Variants in SLC6A15 observed in about 807,000 individuals in gnomAD.
SLC6A15 encodes solute carrier family 6 member 15, also known as sodium-dependent neutral amino acid transporter B(0)AT2.
In SLC6A15, 33 loss-of-function variants were observed where a neutral mutation model predicts 68.5. The ratio of observed to expected loss-of-function variants is 0.48; its 90% confidence interval spans 0.37 to 0.64. The LOEUF (loss-of-function observed/expected upper bound fraction) is 0.64, where lower values mean the gene tolerates loss of function less well. SLC6A15 is among the 30% of genes least tolerant of loss of function. The pLI, the probability that SLC6A15 is intolerant of heterozygous loss-of-function variation, is 0.00. For missense variants in SLC6A15, 747 were observed against 874.3 expected (o/e 0.85, Z 1.84); for synonymous variants, 347 against 301.0 (o/e 1.15, Z -1.58).
intron 1 of SLC6A15, among the ~76,000 whole-genome samples, chr12:84,897,523 G>A (rs889045658): frequency 6.6e-6 from 1 of 151,916 alleles, no homozygotes; most frequent in Non-Finnish European, 1.5e-5. Context: ...AGTAAACACT[G>A]ATAAATTACC....
chr12:84,886,211 T>C, intron 2 of SLC6A15, 143 bp from the exon 3 acceptor site: 1 of 453,850 alleles, frequency 2.2e-6, no homozygotes. Flanking sequence ...ATTTCATTAC[T>C]TTGCACTTTC....
intron 11 of SLC6A15, 25 bp downstream of exon 11, chr12:84,863,414 T>C (rs753546859): frequency 6.6e-7 from 1 of 1,522,434 alleles, no homozygotes; most frequent in Non-Finnish European, 8.8e-7. Flanking sequence ...CTTTTAAAAA[T>C]GTAATTCCCT....
chr12:84,870,404 T>C, intron 9 of SLC6A15, 74 bp downstream of exon 9: 6 of 1,081,922 alleles, frequency 5.5e-6, no homozygotes, highest in Non-Finnish European at 7.6e-6. Flanking sequence ...CTTTCCACTT[T>C]TCATCTCTAA....
chr12:84,871,171 T>G (rs945929084), intron 8 of SLC6A15, among the ~76,000 whole-genome samples: 1 of 151,674 alleles, frequency 6.6e-6, no homozygotes, highest in African/African-American at 2.4e-5. Context: ...AATAATAAAC[T>G]TGTTTTGATT....
intron 2 of SLC6A15, among the ~76,000 whole-genome samples, chr12:84,887,629 C>T (rs1872176025): frequency 6.6e-6 from 1 of 151,880 alleles, no homozygotes; most frequent in African/African-American, 2.4e-5. Flanking sequence ...AATGTTTTTC[C>T]CAAAGACTGA....
At chr12:84,888,290 AC>A (rs1208966246) in intron 2 of SLC6A15, among the ~76,000 whole-genome samples, 12 of 151,210 alleles carry the variant, frequency 7.9e-5, no homozygotes, top group Non-Finnish European at 1.2e-4. Flanking sequence ...AAAAACAAAA[AC>A]AAAAAAAAGA....
chr12:84,874,364 A>G (rs757953878), intron 6 of SLC6A15: 1 of 152,138 alleles, frequency 6.6e-6, no homozygotes, highest in Non-Finnish European at 1.5e-5. Context: ...GATAACATAG[A>G]TGAGCTATAG....
At chr12:84,879,895 G>C (rs1871742739) in intron 5 of SLC6A15, among the ~76,000 whole-genome samples, 1 of 152,052 alleles carries the variant, frequency 6.6e-6, no homozygotes, top group Non-Finnish European at 1.5e-5. Context: ...CATTGAGAGA[G>C]GATTTACAGG....
At chr12:84,886,142 T>C (rs548082615) in intron 2 of SLC6A15, 74 bp from the exon 3 acceptor site, 1 of 1,044,894 alleles carries the variant, frequency 9.6e-7, no homozygotes, top group African/African-American at 1.6e-5. Flanking sequence ...TTTATCCCAT[T>C]AAAGATAATA....
intron 2 of SLC6A15, 31 bp downstream of exon 2, chr12:84,891,801 C>T (rs765809399): frequency 1.3e-6 from 2 of 1,567,882 alleles, no homozygotes; most frequent in African/African-American, 1.4e-5. Flanking sequence ...CAATTTACTA[C>T]AGTAATTTAT....
intron 1 of SLC6A15, among the ~76,000 whole-genome samples, chr12:84,908,643 C>T (rs961771902): frequency 3.3e-5 from 5 of 149,504 alleles, no homozygotes; most frequent in Non-Finnish European, 7.4e-5. Context: ...TACCCTTTCT[C>T]CCTAGAATAT....
At chr12:84,880,607 A>G (rs1313046764) in intron 5 of SLC6A15, among the ~76,000 whole-genome samples, 3 of 152,190 alleles carry the variant, frequency 2.0e-5, no homozygotes, top group Non-Finnish European at 4.4e-5. Context: ...TCAAAATAAT[A>G]ATGAATGGGT....
intron 2 of SLC6A15, among the ~76,000 whole-genome samples, chr12:84,889,906 A>G (rs1872311012): frequency 6.8e-6 from 1 of 146,408 alleles, no homozygotes; most frequent in Non-Finnish European, 1.5e-5. Context: ...GTGTTTTAAA[A>G]GGATAATATC....
In SLC6A15 at chr12:84,861,465, C is replaced by A. The variant is rs1166053692; in HGVS notation, c.*167G>T. The A allele has an allele frequency of 8.5e-6, 6 of 704,096 alleles. No individual in the cohort carries two copies. Among genetic ancestry groups the A allele is most frequent in the Non-Finnish European group, 1.3e-5 (6 of 453,932 alleles). 43.6% of individuals were successfully genotyped at this position (704,096 alleles called of 1,614,324 possible). ...TCTGCACAAATGTAAACCAAAGAAT[C>A]CAAAAGAATGCTCAAGTTGAACTGA... On this transcript the variant is annotated 3_prime_UTR_variant, in exon 12 of 12. Coordinates refer to ENST00000266682, the MANE Select transcript of SLC6A15 (RefSeq NM_182767.6).
intron 2 of SLC6A15, 56 bp downstream of exon 2, chr12:84,891,776 T>G: frequency 6.7e-7 from 1 of 1,489,228 alleles, no homozygotes. Context: ...AGGAGCTATT[T>G]GAGAAACCCA....
intron 5 of SLC6A15, among the ~76,000 whole-genome samples, chr12:84,877,629 G>T (rs1871612527): frequency 6.6e-6 from 1 of 152,086 alleles, no homozygotes; most frequent in African/African-American, 2.4e-5. Context: ...TTCCTTATTT[G>T]CAGATGACTT....
chr12:84,865,614 A>G (rs1871031670), intron 10 of SLC6A15, among the ~76,000 whole-genome samples: 1 of 152,208 alleles, frequency 6.6e-6, no homozygotes, highest in Admixed American at 6.5e-5. Flanking sequence ...CTCAGCGTAT[A>G]CATCCCTGGA....
rs1249216585 is a variant in SLC6A15, at chr12:84,870,685, A to G, written c.1303-15T>C. On this transcript the variant is annotated splice_polypyrimidine_tract_variant and intron_variant, in intron 8 of 11. Coordinates refer to ENST00000266682, the MANE Select transcript of SLC6A15 (RefSeq NM_182767.6). ...CCCTGAACAGCCTGCAAAATACACA[A>G]AATAGCAACATTAGTACAGAGTAAT... The G allele has an allele frequency of 5.1e-6, 8 of 1,572,478 alleles. No individual in the cohort carries two copies. The Admixed American group carries it at 1.4e-4, about 27-fold the overall frequency.
intron 1 of SLC6A15, among the ~76,000 whole-genome samples, chr12:84,895,596 C>T (rs1872606792): frequency 1.3e-5 from 2 of 152,048 alleles, no homozygotes; most frequent in Admixed American, 1.3e-4. Context: ...ATCCACCCAC[C>T]TCGGCCTCCC....
Sources: gnomAD v4.1 joint callset for allele counts (sites outside exome capture counted in the v4.1 genomes callset) on GRCh38, gnomAD v4.1.1 for gene constraint, MANE v1.5 for transcripts, NCBI Gene and HGNC (gene_info 2026-07-23, HGNC 2026-07-21) for gene names.